SMYD3: variants seen among roughly 807,000 people sequenced by gnomAD.
SMYD3 encodes the protein histone-lysine N-methyltransferase SMYD3.
A neutral mutation model predicts 57.7 loss-of-function variants in SMYD3; 36 were observed. The ratio of observed to expected loss-of-function variants is 0.62; its 90% CI spans 0.48 to 0.82. The LOEUF is 0.82. SMYD3 is among the 40% of genes least tolerant of loss of function. The pLI, the probability that SMYD3 is intolerant of heterozygous loss-of-function variation, is 0.00. For missense variants in SMYD3, 515 were observed against 538.8 expected (o/e 0.96, Z 0.44); for synonymous variants, 211 against 195.0 (o/e 1.08, Z -0.68).
intron 5 of SMYD3, among the ~76,000 whole-genome samples, chr1:246,188,822 A>G (rs1160691157): frequency 3.9e-5 from 6 of 151,988 alleles, no homozygotes. Flanking sequence ...AGAGCCAGGC[A>G]TGGTGGTGCA....
At chr1:246,378,778 A>T (rs1342765565) in intron 1 of SMYD3, among the ~76,000 whole-genome samples, 1 of 86,710 alleles carries the variant, frequency 1.2e-5, no homozygotes, top group African/African-American at 4.3e-5. Context: ...TATATAATTT[A>T]ATATATTTAA....
At chr1:246,386,082 G>T (rs1558437643) in intron 1 of SMYD3, among the ~76,000 whole-genome samples, 1 of 152,108 alleles carries the variant, frequency 6.6e-6, no homozygotes, top group Non-Finnish European at 1.5e-5. Flanking sequence ...TAGAGACAGG[G>T]TTTCACCGTG....
intron 5 of SMYD3, among the ~76,000 whole-genome samples, chr1:245,949,526 A>G (rs12736658): frequency 6.6e-6 from 1 of 152,106 alleles, no homozygotes; most frequent in Non-Finnish European, 1.5e-5. Flanking sequence ...GTACCCAACC[A>G]AGGCCGGATG....
intron 1 of SMYD3, among the ~76,000 whole-genome samples, chr1:246,476,667 C>G (rs747897555): frequency 2.0e-5 from 3 of 152,176 alleles, no homozygotes; most frequent in African/African-American, 4.8e-5. Context: ...TATATGAAGA[C>G]TTTCAATTTA....
chr1:245,911,162 A>G (rs535162618), intron 8 of SMYD3, among the ~76,000 whole-genome samples: 1 of 152,246 alleles, frequency 6.6e-6, no homozygotes, highest in African/African-American at 2.4e-5. Context: ...TAAAACCACA[A>G]TGAGCTATCA....
chr1:246,366,829 G>T (rs927925380), intron 1 of SMYD3, among the ~76,000 whole-genome samples: 2 of 151,396 alleles, frequency 1.3e-5, no homozygotes, highest in African/African-American at 4.9e-5. Context: ...TACTCAGGAG[G>T]CTGGGGCAAG....
intron 5 of SMYD3, among the ~76,000 whole-genome samples, chr1:246,063,621 C>CCCTTCCT (rs2060291753): frequency 7.1e-6 from 1 of 140,390 alleles, no homozygotes; most frequent in Non-Finnish European, 1.5e-5. Flanking sequence ...CCCTCTCCTT[C>CCCTTCCT]CCTTCCTCCC....
At chr1:246,081,371 G>T (rs1048517616) in intron 5 of SMYD3, among the ~76,000 whole-genome samples, 17 of 152,092 alleles carry the variant, frequency 1.1e-4, no homozygotes, top group Admixed American at 7.9e-4. Context: ...AAGACTTTTT[G>T]TTGTTGTTTG....
intron 1 of SMYD3, among the ~76,000 whole-genome samples, chr1:246,410,834 G>A (rs1331857109): frequency 1.3e-5 from 2 of 152,020 alleles, no homozygotes; most frequent in Non-Finnish European, 2.9e-5. Context: ...ATTAATTATT[G>A]CCTCAATTTC....
chr1:246,366,548 T>C (rs1174906126), intron 1 of SMYD3, among the ~76,000 whole-genome samples: 2 of 147,396 alleles, frequency 1.4e-5, no homozygotes, highest in East Asian at 4.1e-4. Flanking sequence ...CACCAGACAG[T>C]ACGAGAAAAC....
intron 5 of SMYD3, among the ~76,000 whole-genome samples, chr1:246,114,359 C>T: frequency 6.6e-6 from 1 of 152,172 alleles, no homozygotes; most frequent in East Asian, 1.9e-4. Flanking sequence ...GGTGTGGAGT[C>T]CTGACAAGGT....
intron 8 of SMYD3, among the ~76,000 whole-genome samples, chr1:245,880,587 T>A (rs1245492244): frequency 6.6e-6 from 1 of 152,182 alleles, no homozygotes; most frequent in African/African-American, 2.4e-5. Context: ...AAGTATCAGG[T>A]AAAAACCAGT....
chr1:246,038,352 C>A (rs2059813011), intron 5 of SMYD3, among the ~76,000 whole-genome samples: 1 of 152,090 alleles, frequency 6.6e-6, no homozygotes, highest in Non-Finnish European at 1.5e-5. Context: ...ATGCTACCAC[C>A]AAGAGTCTTC....
chr1:246,127,721 C>A (rs568318802), intron 5 of SMYD3, among the ~76,000 whole-genome samples: 5 of 152,072 alleles, frequency 3.3e-5, no homozygotes, highest in Non-Finnish European at 5.9e-5. Flanking sequence ...CATAACGAAA[C>A]CCCATCTCTA....
chr1:245,897,502 T>A (rs971447539), intron 8 of SMYD3, among the ~76,000 whole-genome samples: 4 of 152,256 alleles, frequency 2.6e-5, no homozygotes, highest in African/African-American at 9.6e-5. Flanking sequence ...CTTTCCTCCA[T>A]AGAGACTAAA....
At chr1:246,506,904 G>T in intron 1 of SMYD3, 150 bp downstream of exon 1, 1 of 709,278 alleles carries the variant, frequency 1.4e-6, no homozygotes, top group Non-Finnish European at 2.0e-6. Flanking sequence ...ACCCGCCCCC[G>T]GGCACACGCG....
chr1:246,498,750 A>C (rs1379967165), intron 1 of SMYD3, among the ~76,000 whole-genome samples: 1 of 149,060 alleles, frequency 6.7e-6, no homozygotes, highest in Non-Finnish European at 1.5e-5. Flanking sequence ...AAAAAAAAAG[A>C]ACACACATAT....
At chr1:246,165,484 G>C (rs925418688) in intron 5 of SMYD3, among the ~76,000 whole-genome samples, 1 of 152,136 alleles carries the variant, frequency 6.6e-6, no homozygotes, top group Non-Finnish European at 1.5e-5. Flanking sequence ...CTAGAAAACA[G>C]GAAAAGACAT....
chr1:245,858,154 G>A (rs1327135767), intron 10 of SMYD3, among the ~76,000 whole-genome samples: 1 of 152,136 alleles, frequency 6.6e-6, no homozygotes, highest in Non-Finnish European at 1.5e-5. Flanking sequence ...CTAGGTCTGA[G>A]CCTGCGTTCC....
Sources: allele counts gnomAD v4.1 joint callset (sites outside exome capture counted in the v4.1 genomes callset), GRCh38; gene constraint gnomAD v4.1.1; transcripts MANE v1.5; gene names NCBI Gene and HGNC (gene_info 2026-07-23, HGNC 2026-07-21).